GRM7: variants seen among roughly 807,000 people sequenced by gnomAD.
GRM7 encodes glutamate metabotropic receptor 7, also known as metabotropic glutamate receptor 7.
GRM7 carries 35 observed loss-of-function variants against 84.5 expected under a neutral mutation model. The ratio of observed to expected loss-of-function variants is 0.41; its 90% CI spans 0.32 to 0.55. GRM7 has a LOEUF of 0.55. GRM7 is among the 20% of genes least tolerant of loss of function. The pLI is 0.19. For synonymous variants in GRM7, 487 were observed against 455.1 expected (o/e 1.07, Z -0.89); for missense variants, 1,003 against 1,194.6 (o/e 0.84, Z 2.36).
At chr3:7,154,716 G>A (rs1236400444) in intron 2 of GRM7, among the ~76,000 whole-genome samples, 1 of 152,086 alleles carries the variant, frequency 6.6e-6, no homozygotes, top group African/African-American at 2.4e-5. Flanking sequence ...AATTGGCTGA[G>A]GGGGAAGAGC....
At chr3:7,453,837 C>T (rs1251898938) in intron 6 of GRM7, among the ~76,000 whole-genome samples, 1 of 152,120 alleles carries the variant, frequency 6.6e-6, no homozygotes, top group Non-Finnish European at 1.5e-5. Context: ...GCCTGTCTGT[C>T]CAGATCCTTC....
At chr3:7,400,360 A>C (rs1695397999) in intron 4 of GRM7, among the ~76,000 whole-genome samples, 1 of 152,198 alleles carries the variant, frequency 6.6e-6, no homozygotes, top group South Asian at 2.1e-4. Flanking sequence ...TGCAGCTATT[A>C]TCACAGTATG....
intron 4 of GRM7, among the ~76,000 whole-genome samples, chr3:7,391,413 C>T (rs2125142517): frequency 6.6e-6 from 1 of 152,198 alleles, no homozygotes; most frequent in South Asian, 2.1e-4. Flanking sequence ...TTTGTAGGGA[C>T]ATGGATGAAG....
intron 2 of GRM7, among the ~76,000 whole-genome samples, chr3:7,163,873 A>T (rs1199663421): frequency 6.6e-6 from 1 of 152,122 alleles, no homozygotes; most frequent in Non-Finnish European, 1.5e-5. Context: ...AGTTTCTTGG[A>T]TCCCTTTTTA....
Position 6,895,083 on chromosome 3 carries a change from A to G in GRM7, c.519+33176A>G, listed in dbSNP as rs140515633. ...CTTTCTGGGTTCTTGCTCTTTGTCT[A>G]TGAACCAGAGAAGGTGCCAATAGAT... is the stretch of plus-strand genomic sequence containing the variant. On this transcript the variant is annotated intron_variant, in intron 1 of 9. Transcript: ENST00000357716. 4.3e-3 allele frequency among the ~76,000 whole-genome samples: 658 copies of G among 152,328 alleles called. 8 individuals are homozygous for G. Among genetic ancestry groups the G allele is most frequent in the African/African-American group, 0.015 (609 of 41,592 alleles).
At chr3:7,481,581 G>A (rs1030378317) in intron 7 of GRM7, among the ~76,000 whole-genome samples, 2 of 152,176 alleles carry the variant, frequency 1.3e-5, no homozygotes, top group Non-Finnish European at 2.9e-5. Context: ...GCTGAGAAAG[G>A]AGAAATAAGA....
At chr3:7,592,023 T>C (rs1417697825) in intron 8 of GRM7, among the ~76,000 whole-genome samples, 1 of 152,146 alleles carries the variant, frequency 6.6e-6, no homozygotes, top group African/African-American at 2.4e-5. Flanking sequence ...AACAATAGTA[T>C]TTGTCTCATA....
intron 1 of GRM7, among the ~76,000 whole-genome samples, chr3:7,087,510 C>T (rs751794704): frequency 2.0e-5 from 3 of 151,716 alleles, no homozygotes; most frequent in South Asian, 2.1e-4. Flanking sequence ...CTTTCAGGAC[C>T]GAGGGACTTG....
chr3:7,136,282 A>G (rs1348492050), intron 1 of GRM7, among the ~76,000 whole-genome samples: 1 of 151,770 alleles, frequency 6.6e-6, no homozygotes, highest in African/African-American at 2.4e-5. Context: ...TGGGCCTGGC[A>G]GCCTGGTTCC....
intron 2 of GRM7, among the ~76,000 whole-genome samples, chr3:7,286,040 G>C (rs924078810): frequency 1.3e-5 from 2 of 152,124 alleles, no homozygotes; most frequent in African/African-American, 4.8e-5. Context: ...TTGTCAAATA[G>C]GTAGCAACCC....
chr3:7,210,476 G>T (rs757545514), intron 2 of GRM7, among the ~76,000 whole-genome samples: 14 of 152,206 alleles, frequency 9.2e-5, no homozygotes, highest in Non-Finnish European at 1.9e-4. Flanking sequence ...AGAGGGATGT[G>T]AAAGTGTAAG....
Position 7,035,371 on chromosome 3 carries a change from C to T in GRM7, c.520-111081C>T, listed in dbSNP as rs559627604. On this transcript the variant is annotated intron_variant, in intron 1 of 9. Coordinates refer to ENST00000357716, the MANE Select transcript of GRM7 (RefSeq NM_000844.4). The stretch of plus-strand genomic sequence containing the variant: ...TTTTTGCTGAGATAAAATATGGTCA[C>T]GTGAGAGTAGGGAAAGTATAAAAGG... Among the ~76,000 whole-genome samples, 8 of 151,824 alleles carry T rather than the reference C, an allele frequency of 5.3e-5. No homozygotes were observed. The South Asian group carries it at 1.0e-3, about 20-fold the overall frequency.
chr3:6,995,268 T>A (rs1023761934), intron 1 of GRM7, among the ~76,000 whole-genome samples: 12 of 152,254 alleles, frequency 7.9e-5, no homozygotes, highest in Admixed American at 5.9e-4. Context: ...GTAGGCAACA[T>A]GATCTCTATT....
chr3:7,661,794 C>CAAAAAA (rs71043686), intron 8 of GRM7, among the ~76,000 whole-genome samples: 1,629 of 28,160 alleles, frequency 0.058, 430 homozygotes, highest in Non-Finnish European at 0.072. Flanking sequence ...GTCTCCGTCT[C>CAAAAAA]AAAAAAAAAA....
At chr3:7,316,435 C>T (rs944008575) in intron 4 of GRM7, among the ~76,000 whole-genome samples, 1 of 151,992 alleles carries the variant, frequency 6.6e-6, no homozygotes, top group Non-Finnish European at 1.5e-5. Flanking sequence ...AAAGAAACAA[C>T]AACCACCGCA....
intron 8 of GRM7, among the ~76,000 whole-genome samples, chr3:7,657,851 G>C (rs1045389895): frequency 6.6e-6 from 1 of 152,172 alleles, no homozygotes; most frequent in East Asian, 1.9e-4. Flanking sequence ...TGGCCAATGA[G>C]AGTTGGAGCA....
At chr3:6,911,530 T>C (rs985134958) in intron 1 of GRM7, among the ~76,000 whole-genome samples, 2 of 152,238 alleles carry the variant, frequency 1.3e-5, no homozygotes, top group African/African-American at 4.8e-5. Context: ...TCAGAAGTTA[T>C]TATATAATAA....
intron 4 of GRM7, among the ~76,000 whole-genome samples, chr3:7,376,632 G>A (rs1402103299): frequency 2.6e-5 from 4 of 152,204 alleles, no homozygotes; most frequent in African/African-American, 9.6e-5. Flanking sequence ...GAATGCATGT[G>A]TATGTCAATA....
intron 1 of GRM7, among the ~76,000 whole-genome samples, chr3:7,003,213 T>G (rs1695074045): frequency 6.6e-6 from 1 of 152,112 alleles, no homozygotes; most frequent in Non-Finnish European, 1.5e-5. Flanking sequence ...TATAGTAGAT[T>G]TCAAAATTGC....
Sources: allele counts gnomAD v4.1 joint callset (sites outside exome capture counted in the v4.1 genomes callset), GRCh38; gene constraint gnomAD v4.1.1; transcripts MANE v1.5; gene names NCBI Gene and HGNC (gene_info 2026-07-23, HGNC 2026-07-21).